Variants in CNGB3 observed in about 807,000 individuals in gnomAD.
The protein encoded by CNGB3 is cyclic nucleotide gated channel subunit beta 3, also known as cyclic nucleotide-gated channel beta-3.
Under a neutral mutation model 92.8 loss-of-function variants are expected in CNGB3, and 86 were observed. That is an observed-to-expected ratio of 0.93 (90% CI 0.78 to 1.11). The LOEUF (loss-of-function observed/expected upper bound fraction) is 1.11. CNGB3 is among the 50% of genes least tolerant of loss of function. The probability of loss-of-function intolerance (pLI) is 0.00; values close to 1 mark genes in which losing one functional copy is unlikely to be tolerated. For synonymous variants in CNGB3, 333 were observed against 332.7 expected, an observed-to-expected ratio of 1.00 and a Z score of -0.01; for missense variants, 1,026 against 956.8, an observed-to-expected ratio of 1.07 and a Z score of -0.95.
intron 10 of CNGB3, among the ~76,000 whole-genome samples, chr8:86,633,224 C>T (rs181719134): frequency 1.3e-5 from 2 of 152,246 alleles, no homozygotes; most frequent in East Asian, 3.9e-4. Context: ...TCCATGATGA[C>T]CGGGCCCTCA....
intron 13 of CNGB3, among the ~76,000 whole-genome samples, chr8:86,616,323 A>G (rs1822622009): frequency 6.6e-6 from 1 of 152,198 alleles, no homozygotes; most frequent in Admixed American, 6.5e-5. Context: ...ACTTTATGAA[A>G]AGATGCCACT....
intron 8 of CNGB3, among the ~76,000 whole-genome samples, 187 bp downstream of exon 8, chr8:86,647,614 C>T (rs1249618910): frequency 6.6e-6 from 1 of 150,716 alleles, no homozygotes; most frequent in East Asian, 1.9e-4. Flanking sequence ...CACCAGTAGA[C>T]ATTTTTTTCT....
intron 3 of CNGB3, among the ~76,000 whole-genome samples, chr8:86,694,758 CG>C (rs1420762479): frequency 6.6e-6 from 1 of 151,542 alleles, no homozygotes; most frequent in Non-Finnish European, 1.5e-5. Flanking sequence ...GGGGAAGAGG[CG>C]CTCCTCACTT....
At chr8:86,586,081 A>G (rs1183278451) in intron 15 of CNGB3, among the ~76,000 whole-genome samples, 2 of 152,182 alleles carry the variant, frequency 1.3e-5, no homozygotes, top group East Asian at 1.9e-4. Flanking sequence ...TCAATCATGC[A>G]AGGGAAGATA....
chr8:86,657,369 A>G lies in CNGB3; in HGVS notation c.853-3307T>C, dbSNP rs1017074941. On this transcript the variant is annotated intron_variant, in intron 6 of 17. Transcript: ENST00000320005. ...CCCCACTTCTCCAAGCTTTGCTGAC[A>G]GTGGCCGGCTTTTAGATGATGGTGA... 1.3e-5 allele frequency: 6 copies of G among 450,542 alleles called. No homozygotes were observed. In the East Asian group the frequency reaches 3.6e-4, roughly 27 times the overall value. The allele number at this position is 450,542 out of a possible 1,614,324, so 27.9% of individuals were successfully genotyped here.
rs563277420 is a variant in CNGB3, at chr8:86,621,080, A to C, written c.1578+4903T>G. ...GTTGCTGATTTGGTGGAGTACCAAA[A>C]AGTACATATAGAAAGCAAAAAAACT... On this transcript the variant is annotated intron_variant, in intron 13 of 17. Coordinates refer to ENST00000320005, the MANE Select transcript of CNGB3 (RefSeq NM_019098.5). Among the ~76,000 whole-genome samples, 13 of 152,316 alleles carry C rather than the reference A, an allele frequency of 8.5e-5. 1 individual carries two copies. Among genetic ancestry groups the C allele is most frequent in the African/African-American group, 3.1e-4 (13 of 41,578 alleles).
chr8:86,739,710 AG>A lies in CNGB3; in HGVS notation c.155del (p.Ser52PhefsTer31). 6.2e-7 allele frequency: 1 copy of A among 1,609,394 alleles called. No homozygotes were observed. Among genetic ancestry groups the A allele is most frequent in the Non-Finnish European group, 8.5e-7 (1 of 1,179,354 alleles). ...TGACTGGAGTTGACTTGGTTTTGAGAGATTTCTCTTCACCTTTGTTTTCTTC... is the reference window on the plus strand; with the variant it reads ...TGACTGGAGTTGACTTGGTTTTGAGAATTTCTCTTCACCTTTGTTTTCTTC... ...AQEENKGEEK[S>X]LKTKSTPVTS... On this transcript the variant is annotated frameshift_variant, in exon 2 of 18. Coordinates refer to ENST00000320005, the MANE Select transcript of CNGB3 (RefSeq NM_019098.5). LOFTEE classifies it high-confidence loss of function.
intron 15 of CNGB3, among the ~76,000 whole-genome samples, chr8:86,602,399 A>G (rs1334380485): frequency 1.3e-5 from 2 of 152,234 alleles, no homozygotes; most frequent in African/African-American, 4.8e-5. Context: ...CAATGCTAAT[A>G]TGAAGTCATC....
In CNGB3 at chr8:86,726,669, A is replaced by C. The variant is rs371161061; in HGVS notation, c.212-12T>G. On this transcript the variant is annotated splice_polypyrimidine_tract_variant and intron_variant, in intron 2 of 17. Transcript: ENST00000320005. ...CTTGGAGAGTTTGTCTATGAAAAAA[A>C]AATTCACATAGATAGAAGAATGTAC... is the stretch of plus-strand genomic sequence containing the variant. 1.4e-5 allele frequency: 22 copies of C among 1,613,462 alleles called. No individual in the cohort carries two copies. In the East Asian group the frequency reaches 4.0e-4, roughly 29 times the overall value.
At chr8:86,673,440 G>T (rs900638168) in intron 3 of CNGB3, among the ~76,000 whole-genome samples, 1 of 152,120 alleles carries the variant, frequency 6.6e-6, no homozygotes, top group East Asian at 1.9e-4. Context: ...GGGCCAGGTG[G>T]CAGAGGGTGG....
chr8:86,589,870 C>T (rs895060251), intron 15 of CNGB3, among the ~76,000 whole-genome samples: 1 of 151,958 alleles, frequency 6.6e-6, no homozygotes, highest in African/African-American at 2.4e-5. Context: ...TGGTGCAGAG[C>T]TGAGTTCAAT....
chr8:86,655,126 C>T (rs574294441), intron 6 of CNGB3, among the ~76,000 whole-genome samples: 2 of 152,274 alleles, frequency 1.3e-5, no homozygotes, highest in South Asian at 4.1e-4. Context: ...GCACATTCTC[C>T]CTCAGCCCTG....
chr8:86,635,820 TG>T (rs1168386353), intron 10 of CNGB3, among the ~76,000 whole-genome samples: 1 of 62,134 alleles, frequency 1.6e-5, no homozygotes, highest in Non-Finnish European at 3.0e-5. Context: ...GTATAACACA[TG>T]ATATATATAT....
At chr8:86,643,167 T>C (rs1016444971) in intron 10 of CNGB3, among the ~76,000 whole-genome samples, 1 of 151,384 alleles carries the variant, frequency 6.6e-6, no homozygotes, top group Non-Finnish European at 1.5e-5. Flanking sequence ...TTATTCTCTA[T>C]CTTCTTTCAT....
chr8:86,656,813 C>T (rs1440718471), intron 6 of CNGB3, among the ~76,000 whole-genome samples: 1 of 152,160 alleles, frequency 6.6e-6, no homozygotes, highest in African/African-American at 2.4e-5. Context: ...ATGACCCCAT[C>T]CTTGCCTCCT....
intron 3 of CNGB3, among the ~76,000 whole-genome samples, chr8:86,684,929 T>A (rs947739916): frequency 6.6e-6 from 1 of 152,062 alleles, no homozygotes; most frequent in Non-Finnish European, 1.5e-5. Context: ...CTTGCACATG[T>A]AATAAAATTG....
chr8:86,669,388 G>A lies in CNGB3; in HGVS notation c.494-1220C>T, dbSNP rs78955450. On this transcript the variant is annotated intron_variant, in intron 4 of 17. Coordinates refer to ENST00000320005, the MANE Select transcript of CNGB3 (RefSeq NM_019098.5). ...TGAAAACACTGAAATTTGGAAATAT[G>A]TAACAGGTTTAAAGCTCACAAATAA... 3.1e-3 allele frequency among the ~76,000 whole-genome samples: 472 copies of A among 152,304 alleles called. 1 individual carries two copies. The highest frequency in any genetic ancestry group is 0.011 in the African/African-American group (454 of 41,570).
At chr8:86,653,846 A>G (rs965723443) in intron 7 of CNGB3, among the ~76,000 whole-genome samples, 166 bp downstream of exon 7, 1 of 152,170 alleles carries the variant, frequency 6.6e-6, no homozygotes, top group Non-Finnish European at 1.5e-5. Context: ...ACTTGCACAT[A>G]CAAGGAAACA....
chr8:86,705,118 C>T (rs866021769), intron 3 of CNGB3, among the ~76,000 whole-genome samples: 2 of 152,138 alleles, frequency 1.3e-5, no homozygotes, highest in Non-Finnish European at 2.9e-5. Context: ...TTGGGAGAAG[C>T]AAATTGCCTA....
Sources: gnomAD v4.1 joint callset for allele counts (sites outside exome capture counted in the v4.1 genomes callset) on GRCh38, gnomAD v4.1.1 for gene constraint, MANE v1.5 for transcripts, NCBI Gene and HGNC (gene_info 2026-07-23, HGNC 2026-07-21) for gene names.